The following PCDH15 variants were observed in gnomAD, a reference collection of about 807,000 sequenced individuals.
The protein encoded by PCDH15 is protocadherin-15.
Under a neutral mutation model 178.5 loss-of-function variants are expected in PCDH15, and 129 were observed. The observed-to-expected ratio is 0.72, with a 90% CI of 0.63 to 0.84. The LOEUF (loss-of-function observed/expected upper bound fraction) is 0.84. PCDH15 is among the 40% of genes least tolerant of loss of function. The probability of loss-of-function intolerance (pLI) is 0.00; values close to 1 mark genes in which losing one functional copy is unlikely to be tolerated. For synonymous variants in PCDH15, 800 were observed against 732.0 expected (o/e 1.09, Z -1.50); for missense variants, 2,230 against 2,099.9 (o/e 1.06, Z -1.21).
chr10:54,238,724 A>T (rs7101290), intron 8 of PCDH15, among the ~76,000 whole-genome samples: 7,987 of 149,704 alleles, frequency 0.053, 543 homozygotes, highest in African/African-American at 0.16. Context: ...CTTTCCCAAT[A>T]ATCAATTTGC....
At chr10:55,542,327 C>A (rs918944351) in intron 2 of PCDH15, among the ~76,000 whole-genome samples, 6 of 150,474 alleles carry the variant, frequency 4.0e-5, no homozygotes, top group Admixed American at 2.7e-4. Context: ...CATATATACC[C>A]TATGCCCCTT....
At chr10:55,566,600 T>G (rs184701139) in intron 2 of PCDH15, among the ~76,000 whole-genome samples, 1 of 151,658 alleles carries the variant, frequency 6.6e-6, no homozygotes, top group Admixed American at 6.6e-5. Context: ...ACCAATAAAT[T>G]AAGTCACCAC....
rs765283838 is a variant in PCDH15 at position 55,577,950 on chromosome 10, GGA to G, written c.-156+49673_-156+49674del. Among the ~76,000 whole-genome samples, 10 of 150,804 alleles carry G rather than the reference GGA, an allele frequency of 6.6e-5. No individual in the cohort carries two copies. The East Asian group carries it at 7.8e-4, about 12-fold the overall frequency. On this transcript the variant is annotated intron_variant, in intron 2 of 5. Coordinates refer to the PCDH15 transcript ENST00000613346. ...TTTTAATTAAGAAAGGTTAAAGTTA[GGA>G]GAGAGAGAGAGAGAGCAACTGTTAC...
At chr10:55,252,246 A>T (rs1840507708) in intron 1 of PCDH15, among the ~76,000 whole-genome samples, 1 of 152,078 alleles carries the variant, frequency 6.6e-6, no homozygotes, top group Non-Finnish European at 1.5e-5. Flanking sequence ...CCTGACAGAG[A>T]TGTATTTTCT....
intron 17 of PCDH15, among the ~76,000 whole-genome samples, chr10:54,067,527 C>T (rs1431393227): frequency 1.3e-5 from 2 of 152,134 alleles, no homozygotes; most frequent in Non-Finnish European, 2.9e-5. Flanking sequence ...TGGCCTGCTG[C>T]AGTCAATATT....
At chr10:54,176,230 A>G (rs565955411) in intron 13 of PCDH15, among the ~76,000 whole-genome samples, 50 of 152,310 alleles carry the variant, frequency 3.3e-4, no homozygotes, top group African/African-American at 1.1e-3. Flanking sequence ...TGGTTAGATC[A>G]TTAAAAGTTT....
intron 3 of PCDH15, among the ~76,000 whole-genome samples, chr10:54,442,437 T>C (rs1297132625): frequency 8.4e-6 from 1 of 119,020 alleles, no homozygotes; most frequent in African/African-American, 3.7e-5. Context: ...TATATATATA[T>C]ATATATATAT....
rs189624532 is a variant in PCDH15, at chr10:54,076,690, A to T, written c.2091+2641T>A. The stretch of plus-strand genomic sequence containing the variant: ...TTTTTCAACAATCATTAACAAAGAA[A>T]ATTTAGAAAAGGACAGTCAAATCAA... On this transcript the variant is annotated intron_variant, in intron 17 of 37. Coordinates refer to ENST00000644397, the MANE Select transcript of PCDH15 (RefSeq NM_001384140.1). Among the ~76,000 whole-genome samples the T allele has an allele frequency of 1.4e-4, 22 of 152,256 alleles. 1 individual carries two copies. The East Asian group carries it at 2.9e-3, about 20-fold the overall frequency.
At chr10:54,461,919 T>A (rs1300341026) in intron 3 of PCDH15, among the ~76,000 whole-genome samples, 1 of 152,086 alleles carries the variant, frequency 6.6e-6, no homozygotes, top group Non-Finnish European at 1.5e-5. Flanking sequence ...ATATTTAAAA[T>A]ATTCATTTTT....
At chr10:54,875,198 G>T (rs867550072) in intron 3 of PCDH15, among the ~76,000 whole-genome samples, 1 of 152,066 alleles carries the variant, frequency 6.6e-6, no homozygotes, top group Non-Finnish European at 1.5e-5. Flanking sequence ...ATGTGTTATG[G>T]TTATCTGTGA....
Position 53,807,131 on chromosome 10 carries a change from C to CTGA in PCDH15, c.4672-4_4672-2dup, listed in dbSNP as rs773129893. ...ACTTGATCATTCTTTTTCTTGCCCA[C>CTGA]TGATAAAATAAACAAAAATATGTGA... On this transcript the variant is annotated splice_acceptor_variant, in intron 37 of 37. Transcript: ENST00000644397. LOFTEE classifies it high-confidence loss of function. 157 of 1,579,918 alleles carry CTGA rather than the reference C, an allele frequency of 9.9e-5. 1 individual carries two copies. In the African/African-American group the frequency reaches 1.5e-3, roughly 15 times the overall value.
chr10:54,500,842 T>C (rs1359197639), intron 3 of PCDH15, among the ~76,000 whole-genome samples: 1 of 151,938 alleles, frequency 6.6e-6, no homozygotes, highest in Middle Eastern at 3.2e-3. Flanking sequence ...CCAACTCAAA[T>C]GCCCATCAAT....
At chr10:54,145,639 A>G (rs1205795909) in intron 14 of PCDH15, among the ~76,000 whole-genome samples, 4 of 152,076 alleles carry the variant, frequency 2.6e-5, no homozygotes, top group Non-Finnish European at 2.9e-5. Context: ...ATACCACAGA[A>G]CATTAATAGA....
intron 2 of PCDH15, among the ~76,000 whole-genome samples, chr10:55,466,893 A>G (rs940960418): frequency 1.2e-4 from 18 of 152,176 alleles, no homozygotes; most frequent in African/African-American, 4.1e-4. Flanking sequence ...TATATCTGCC[A>G]AGAGAGAAAA....
At chr10:55,348,359 T>C (rs1476533528) in intron 2 of PCDH15, among the ~76,000 whole-genome samples, 4 of 152,102 alleles carry the variant, frequency 2.6e-5, no homozygotes, top group Admixed American at 2.6e-4. Context: ...GTGTTTGAAA[T>C]AACACACAAA....
At chr10:54,554,511 A>G (rs974507512) in intron 2 of PCDH15, among the ~76,000 whole-genome samples, 1 of 152,214 alleles carries the variant, frequency 6.6e-6, no homozygotes. Context: ...GACCCTGAAT[A>G]TTAGAGAAAA....
At chr10:55,552,202 T>A (rs1272334012) in intron 2 of PCDH15, among the ~76,000 whole-genome samples, 3 of 151,738 alleles carry the variant, frequency 2.0e-5, no homozygotes, top group Non-Finnish European at 3.0e-5. Context: ...AAACTTCCTT[T>A]AATATAACAA....
intron 2 of PCDH15, among the ~76,000 whole-genome samples, chr10:55,373,888 C>G (rs564957285): frequency 1.4e-5 from 2 of 143,294 alleles, no homozygotes; most frequent in Admixed American, 1.4e-4. Context: ...GGGAGTTGAA[C>G]AATGAGAACA....
At chr10:53,863,677 T>C (rs1054053041) in intron 27 of PCDH15, among the ~76,000 whole-genome samples, 4 of 152,046 alleles carry the variant, frequency 2.6e-5, no homozygotes, top group Non-Finnish European at 4.4e-5. Context: ...TTTTGGAAGA[T>C]AGAAAAAAAG....
Sources: allele counts gnomAD v4.1 joint callset (sites outside exome capture counted in the v4.1 genomes callset), GRCh38; gene constraint gnomAD v4.1.1; transcripts MANE v1.5; gene names NCBI Gene and HGNC (gene_info 2026-07-23, HGNC 2026-07-21).